Variants in NTNG1 observed in about 807,000 individuals in gnomAD.
NTNG1 encodes the protein netrin G1.
In NTNG1, 16 loss-of-function variants were observed where a neutral mutation model predicts 54.0. The observed-to-expected ratio is 0.30, with a 90% CI of 0.20 to 0.45. NTNG1 has a LOEUF of 0.45. Ranked by LOEUF, NTNG1 falls within the 20% of genes least tolerant of loss-of-function variation. The probability of loss-of-function intolerance (pLI) is 1.00; values close to 1 mark genes in which losing one functional copy is unlikely to be tolerated. For missense variants in NTNG1, 530 were observed against 678.7 expected (o/e 0.78, Z 2.43); for synonymous variants, 255 against 263.1 (o/e 0.97, Z 0.30).
At chr1:107,185,341 T>C (rs1329113860) in intron 2 of NTNG1, among the ~76,000 whole-genome samples, 1 of 152,146 alleles carries the variant, frequency 6.6e-6, no homozygotes, top group Non-Finnish European at 1.5e-5. Context: ...TACAGATTCC[T>C]ATAGCTTGTG....
At position 107,480,981 on chromosome 1, in the gene NTNG1, T is replaced by C; in HGVS notation, c.*141T>C. On this transcript the variant is annotated 3_prime_UTR_variant, in exon 8 of 8. Coordinates refer to ENST00000370068, the MANE Select transcript of NTNG1 (RefSeq NM_001113226.3). The stretch of plus-strand genomic sequence containing the variant: ...ACAAACTAAGAAGGCCTAACTGAAC[T>C]AAGCCATATTTATCACCCGTGGACA... 4.0e-5 allele frequency: 24 copies of C among 595,256 alleles called. No individual in the cohort carries two copies. The highest frequency in any genetic ancestry group is 7.2e-5 in the Non-Finnish European group (24 of 334,318). 36.9% of individuals were successfully genotyped at this position (595,256 alleles called of 1,614,324 possible).
At position 107,349,582 on chromosome 1, in the gene NTNG1, C is replaced by G. The variant is rs558195401; in HGVS notation, c.887+24660C>G. On this transcript the variant is annotated intron_variant, in intron 3 of 7. Transcript: ENST00000370068. ...CTGCTACATGTCCCTGACTTTTTGA[C>G]CATCCACACTCACATCTAGGATAAC... 2.0e-5 allele frequency among the ~76,000 whole-genome samples: 3 copies of G among 152,194 alleles called. No homozygotes were observed. The South Asian group carries it at 6.2e-4, about 32-fold the overall frequency.
chr1:107,209,257 T>A (rs565677548), intron 2 of NTNG1, among the ~76,000 whole-genome samples: 2 of 152,188 alleles, frequency 1.3e-5, no homozygotes, highest in African/African-American at 4.8e-5. Flanking sequence ...TGGATCTCTT[T>A]TGATCAGTCA....
At chr1:107,370,749 T>G (rs548986389) in intron 3 of NTNG1, among the ~76,000 whole-genome samples, 1 of 152,262 alleles carries the variant, frequency 6.6e-6, no homozygotes, top group South Asian at 2.1e-4. Context: ...CTTCAATTAT[T>G]TAGATTTTCT....
intron 3 of NTNG1, among the ~76,000 whole-genome samples, chr1:107,388,311 C>T (rs1025356534): frequency 7.9e-5 from 12 of 152,288 alleles, no homozygotes; most frequent in East Asian, 3.9e-4. Flanking sequence ...GCCCCACAAC[C>T]GTCCTTTGAA....
intron 3 of NTNG1, among the ~76,000 whole-genome samples, chr1:107,368,753 A>G (rs964513382): frequency 2.0e-5 from 3 of 152,218 alleles, no homozygotes; most frequent in South Asian, 2.1e-4. Flanking sequence ...TCAGACACCT[A>G]GTAAATAATG....
intron 2 of NTNG1, among the ~76,000 whole-genome samples, chr1:107,240,413 A>G (rs151135324): frequency 0.019 from 2,907 of 151,992 alleles, 77 homozygotes; most frequent in African/African-American, 0.067. Flanking sequence ...TGACCTTTGC[A>G]CTCCAGAAGA....
chr1:107,244,115 C>T (rs1662025396), intron 2 of NTNG1, among the ~76,000 whole-genome samples: 1 of 152,162 alleles, frequency 6.6e-6, no homozygotes, highest in African/African-American at 2.4e-5. Flanking sequence ...CCTATCATTG[C>T]CGCTAATGTG....
intron 3 of NTNG1, among the ~76,000 whole-genome samples, chr1:107,363,490 T>C (rs1176527497): frequency 6.6e-6 from 1 of 152,222 alleles, no homozygotes; most frequent in Non-Finnish European, 1.5e-5. Context: ...TCTCCTTATC[T>C]GAACCATAGT....
chr1:107,474,537 T>A (rs1678188621), intron 7 of NTNG1, among the ~76,000 whole-genome samples: 1 of 152,234 alleles, frequency 6.6e-6, no homozygotes, highest in African/African-American at 2.4e-5. Flanking sequence ...CATGATTAAC[T>A]AGCTGTATTT....
chr1:107,468,104 C>T (rs969243376), intron 7 of NTNG1, among the ~76,000 whole-genome samples: 6 of 151,968 alleles, frequency 3.9e-5, no homozygotes, highest in African/African-American at 1.5e-4. Context: ...TGAATTACAG[C>T]GATTCCCTGG....
chr1:107,441,725 C>T (rs577444279), intron 7 of NTNG1, among the ~76,000 whole-genome samples: 11 of 151,924 alleles, frequency 7.2e-5, no homozygotes, highest in Admixed American at 7.2e-4. Flanking sequence ...TTTGAGAACA[C>T]ATTATATTGT....
intron 2 of NTNG1, among the ~76,000 whole-genome samples, chr1:107,244,894 C>A (rs1372742248): frequency 6.6e-6 from 1 of 152,146 alleles, no homozygotes; most frequent in African/African-American, 2.4e-5. Flanking sequence ...AATTCACATG[C>A]CCCAAGTCCT....
intron 2 of NTNG1, among the ~76,000 whole-genome samples, chr1:107,183,055 C>T (rs1003837550): frequency 3.3e-5 from 5 of 152,142 alleles, no homozygotes; most frequent in Admixed American, 3.3e-4. Flanking sequence ...TTCATCAACA[C>T]AGGTAACAGA....
At chr1:107,431,336 G>A (rs1049300713) in intron 6 of NTNG1, among the ~76,000 whole-genome samples, 2 of 152,034 alleles carry the variant, frequency 1.3e-5, no homozygotes, top group African/African-American at 4.8e-5. Context: ...ACAGATTCTT[G>A]CATATAATTG....
At chr1:107,346,706 AC>A (rs1399703068) in intron 3 of NTNG1, among the ~76,000 whole-genome samples, 1 of 151,822 alleles carries the variant, frequency 6.6e-6, no homozygotes, top group Non-Finnish European at 1.5e-5. Context: ...ATTGCAAGGC[AC>A]CCCCTACTTA....
chr1:107,160,675 TC>T (rs1194726153), intron 2 of NTNG1, among the ~76,000 whole-genome samples: 1 of 152,080 alleles, frequency 6.6e-6, no homozygotes, highest in Non-Finnish European at 1.5e-5. Context: ...GCCTGGAACT[TC>T]CTATCTAATC....
intron 7 of NTNG1, chr1:107,460,404 G>A: frequency 1.9e-6 from 1 of 518,722 alleles, no homozygotes; most frequent in Non-Finnish European, 3.8e-6. Context: ...ATTTTACCAG[G>A]CAGGACAGAT....
At chr1:107,470,364 T>C (rs1677902937) in intron 7 of NTNG1, among the ~76,000 whole-genome samples, 1 of 152,238 alleles carries the variant, frequency 6.6e-6, no homozygotes, top group African/African-American at 2.4e-5. Flanking sequence ...TCTAGGCAAT[T>C]TGGAAAGAGT....
Sources: allele counts gnomAD v4.1 joint callset (sites outside exome capture counted in the v4.1 genomes callset), GRCh38; gene constraint gnomAD v4.1.1; transcripts MANE v1.5; gene names NCBI Gene and HGNC (gene_info 2026-07-23, HGNC 2026-07-21).